DNAH2: variants seen among roughly 807,000 people sequenced by gnomAD.
The protein encoded by DNAH2 is dynein axonemal heavy chain 2, also known as axonemal beta dynein heavy chain 2.
A neutral mutation model predicts 523.5 loss-of-function variants in DNAH2; 323 were observed. That is an observed-to-expected ratio of 0.62 (90% CI 0.56 to 0.68). The LOEUF (loss-of-function observed/expected upper bound fraction) is 0.68. DNAH2 is among the 30% of genes least tolerant of loss of function. The probability of loss-of-function intolerance (pLI) is 0.00; values close to 1 mark genes in which losing one functional copy is unlikely to be tolerated. For missense variants in DNAH2, 4,907 were observed against 5,701.5 expected (o/e 0.86, Z 4.49); for synonymous variants, 2,093 against 2,177.4 (o/e 0.96, Z 1.08).
chr17:7,824,013 C>A, intron 75 of DNAH2, 31 bp downstream of exon 75: 1 of 1,603,716 alleles, frequency 6.2e-7, no homozygotes, highest in Non-Finnish European at 8.5e-7. Context: ...GTCCCCACGG[C>A]CCATGGGTCT....
intron 28 of DNAH2, among the ~76,000 whole-genome samples, chr17:7,772,443 G>T (rs1200172674): frequency 6.6e-6 from 1 of 152,164 alleles, no homozygotes; most frequent in East Asian, 1.9e-4. Context: ...AAAAAACAAT[G>T]ATCCCTTTGT....
Position 7,775,338 on chromosome 17 carries a change from T to C in DNAH2, c.4817T>C (p.Val1606Ala), listed in dbSNP as rs1211907308. The change falls in exon 30 of 86, where the codon GTG becomes GCG. Residue 1606 changes from valine (V) to alanine (A), a missense_variant. Val to Ala is a moderately conservative substitution (Grantham distance 64). This residue lies in a region of DNAH2 where 2,806 missense variants were observed against 3,190.8 expected (regional missense o/e 0.88). Coordinates refer to ENST00000572933, the MANE Select transcript of DNAH2 (RefSeq NM_020877.5). ...CACTCAGTATTTTTAGAAGGCCCTGTGGAGGTGAGTTGTGGTGAGGGTCTG... is the reference window on the plus strand; with the variant it reads ...CACTCAGTATTTTTAGAAGGCCCTGCGGAGGTGAGTTGTGGTGAGGGTCTG... ...FLHSVFLEGP[V>A]ESWLGDVEQT... The C allele has an allele frequency of 1.2e-6, 2 of 1,610,260 alleles. No individual in the cohort carries two copies. Among genetic ancestry groups the C allele is most frequent in the East Asian group, 4.5e-5 (2 of 44,854 alleles).
At chr17:7,746,363 T>C (rs976109899) in intron 12 of DNAH2, among the ~76,000 whole-genome samples, 1 of 152,346 alleles carries the variant, frequency 6.6e-6, no homozygotes, top group Non-Finnish European at 1.5e-5. Flanking sequence ...TAGACATATA[T>C]GTCTACTTAA....
intron 4 of DNAH2, among the ~76,000 whole-genome samples, chr17:7,730,576 C>G (rs2074954639): frequency 6.6e-6 from 1 of 152,198 alleles, no homozygotes; most frequent in Non-Finnish European, 1.5e-5. Flanking sequence ...TTAGGAATAT[C>G]CCCTATGCGG....
rs1567696157 is a variant in DNAH2 at position 7,786,551 on chromosome 17, C to T, written c.6349-19C>T. 3 of 1,609,482 alleles carry T rather than the reference C, an allele frequency of 1.9e-6. No homozygotes were observed. Among genetic ancestry groups the T allele is most frequent in the South Asian group, 2.2e-5 (2 of 90,938 alleles). ...TTTTGTCCATCAGCAGCTAAAACCCCTTCCGGTGTCATTTTCAGGAGTTCC... is the reference window on the plus strand; with the variant it reads ...TTTTGTCCATCAGCAGCTAAAACCCTTTCCGGTGTCATTTTCAGGAGTTCC... On this transcript the variant is annotated intron_variant, in intron 40 of 85. Coordinates refer to ENST00000572933, the MANE Select transcript of DNAH2 (RefSeq NM_020877.5). This position sits in a 1 kb window ranked among gnomAD's most constrained non-coding sequence, Gnocchi z 7.5.
rs1018507039 is a variant in DNAH2, at chr17:7,760,980, C to T, written c.2978+48C>T. The T allele has an allele frequency of 1.0e-5, 16 of 1,601,380 alleles. No individual in the cohort carries two copies. The highest frequency in any genetic ancestry group is 1.7e-5 in the Admixed American group (1 of 59,232). On this transcript the variant is annotated intron_variant, in intron 18 of 85. Coordinates refer to ENST00000572933, the MANE Select transcript of DNAH2 (RefSeq NM_020877.5). The surrounding 1 kb of genome is among the most constrained non-coding windows in gnomAD (Gnocchi z 4.0). Reference sequence around the variant, plus strand: ...AAGTCTGTCTGTAGGAGGCACAGCACTGCAGGAGGAGCCCAGGCCTAGAGT... The same window carrying T: ...AAGTCTGTCTGTAGGAGGCACAGCATTGCAGGAGGAGCCCAGGCCTAGAGT...
chr17:7,773,452 G>A (rs1222549682), intron 28 of DNAH2, among the ~76,000 whole-genome samples: 1 of 152,042 alleles, frequency 6.6e-6, no homozygotes, highest in African/African-American at 2.4e-5. Flanking sequence ...TCTTAGGTGG[G>A]TGTGTTATAC....
Position 7,786,402 on chromosome 17 carries a change from A to T in DNAH2, c.6348+60A>T. 1 of 1,569,198 alleles carries T rather than the reference A, an allele frequency of 6.4e-7. No homozygotes were observed. On this transcript the variant is annotated intron_variant, in intron 40 of 85. Transcript: ENST00000572933. This position sits in a 1 kb window ranked among gnomAD's most constrained non-coding sequence, Gnocchi z 7.5. Reference sequence around the variant, plus strand: ...GACTTGAGTAGTAAGAAGACAATGGAGGGTGGGGGCCAGGGAGGACCTTGC... The same window carrying T: ...GACTTGAGTAGTAAGAAGACAATGGTGGGTGGGGGCCAGGGAGGACCTTGC...
rs2074844731 is a variant in DNAH2, at chr17:7,727,234, T to A, written c.341T>A (p.Leu114His). The A allele has an allele frequency of 3.1e-6, 5 of 1,611,820 alleles. No homozygotes were observed. Among genetic ancestry groups the A allele is most frequent in the Non-Finnish European group, 4.2e-6 (5 of 1,179,114 alleles). ...HFAQDPTESI[L>H]TIFIDPCFGL... is the part of the protein sequence containing the mutation. ...GCCCAGGACCCTACAGAATCCATCCTCACCATCTTCATTGACCCTTGTTTT... is the reference window on the plus strand; with the variant it reads ...GCCCAGGACCCTACAGAATCCATCCACACCATCTTCATTGACCCTTGTTTT... The change falls in exon 4 of 86, where the codon CTC becomes CAC. Residue 114 changes from leucine to histidine, a missense_variant. Leu to His is a moderately conservative substitution (Grantham distance 99). Around this residue, in one of 3 missense-constraint regions of DNAH2, gnomAD observed 2,806 missense variants for 3,190.8 expected, o/e 0.88. Coordinates refer to ENST00000572933, the MANE Select transcript of DNAH2 (RefSeq NM_020877.5).
At chr17:7,730,978 C>T (rs1004834136) in intron 4 of DNAH2, among the ~76,000 whole-genome samples, 2 of 151,236 alleles carry the variant, frequency 1.3e-5, no homozygotes, top group African/African-American at 4.9e-5. Context: ...ATTAGCTGGG[C>T]GTGGCGGTGT....
In DNAH2 at chr17:7,807,974, G is replaced by A. The variant is rs1269685896; in HGVS notation, c.9729+388G>A. ...GTCGCTTCTGTGGACCAAGAACAAC[G>A]TGAGGGTGTCTGTGCATATGTTGTG... On this transcript the variant is annotated intron_variant, in intron 63 of 85. Coordinates refer to ENST00000572933, the MANE Select transcript of DNAH2 (RefSeq NM_020877.5). This position sits in a 1 kb window ranked among gnomAD's most constrained non-coding sequence, Gnocchi z 5.6. 2.6e-5 allele frequency among the ~76,000 whole-genome samples: 4 copies of A among 152,200 alleles called. No homozygotes were observed. Among genetic ancestry groups the A allele is most frequent in the Admixed American group, 1.3e-4 (2 of 15,282 alleles).
intron 15 of DNAH2, 85 bp downstream of exon 15, chr17:7,759,209 T>G (rs902900230): frequency 6.4e-7 from 1 of 1,559,542 alleles, no homozygotes; most frequent in South Asian, 1.2e-5. Flanking sequence ...TCCCCGACCC[T>G]TTTTTCTTTT....
chr17:7,760,956 A>G lies in DNAH2; in HGVS notation c.2978+24A>G. On this transcript the variant is annotated intron_variant, in intron 18 of 85. Transcript: ENST00000572933. This position sits in a 1 kb window ranked among gnomAD's most constrained non-coding sequence, Gnocchi z 4.0. ...CGGTGAGTGGTGAGGGTGGATTGAA[A>G]GTCTGTCTGTAGGAGGCACAGCACT... The G allele has an allele frequency of 6.2e-7, 1 of 1,602,844 alleles. No individual in the cohort carries two copies. The highest frequency in any genetic ancestry group is 8.5e-7 in the Non-Finnish European group (1 of 1,170,100).
chr17:7,765,533 C>T lies in DNAH2; in HGVS notation c.3479C>T (p.Ala1160Val). Residue 1160 changes from alanine (A) to valine (V), a missense_variant, in exon 21 of 86, where the codon GCA (alanine) becomes GTA (valine). Physicochemically the swap from Ala to Val is moderately conservative, Grantham distance 64. This residue lies in a region of DNAH2 where 2,806 missense variants were observed against 3,190.8 expected (regional missense o/e 0.88). Transcript: ENST00000572933. ...TCGGCAGATGACTTCAAGAAGAAAG[C>T]ACATACACTTCTGGAAGATTTCGAA... Reference protein sequence around the residue: ...IHSADDFKKKAHTLLEDFEFK... With the variant: ...IHSADDFKKKVHTLLEDFEFK... 6.2e-7 allele frequency: 1 copy of T among 1,614,014 alleles called. No homozygotes were observed.
intron 28 of DNAH2, among the ~76,000 whole-genome samples, chr17:7,772,695 T>TAACA (rs1334299348): frequency 6.6e-6 from 1 of 152,244 alleles, no homozygotes; most frequent in Non-Finnish European, 1.5e-5. Context: ...GGGAGGAAAC[T>TAACA]AACATTATTG....
At chr17:7,759,961 A>G (rs2075959210) in intron 17 of DNAH2, 23 bp downstream of exon 17, 2 of 1,614,048 alleles carry the variant, frequency 1.2e-6, no homozygotes, top group Non-Finnish European at 8.5e-7. Flanking sequence ...CGGGGAGGGC[A>G]CAAGGCACAG....
rs995816313 is a variant in DNAH2 at position 7,832,367 on chromosome 17, G to A, written c.12727-212G>A. Among the ~76,000 whole-genome samples the A allele has an allele frequency of 5.9e-5, 9 of 152,060 alleles. No homozygotes were observed. Among genetic ancestry groups the A allele is most frequent in the African/African-American group, 1.9e-4 (8 of 41,392 alleles). ...TACTAAAAAAATACAAAAATTAGCC[G>A]GGCGTGATGGTGGGCGCCTGTAATC... On this transcript the variant is annotated intron_variant, in intron 82 of 85. Coordinates refer to ENST00000572933, the MANE Select transcript of DNAH2 (RefSeq NM_020877.5). This position sits in a 1 kb window ranked among gnomAD's most constrained non-coding sequence, Gnocchi z 4.3.
chr17:7,827,865 G>A (rs988979740), intron 77 of DNAH2, among the ~76,000 whole-genome samples: 2 of 152,006 alleles, frequency 1.3e-5, no homozygotes, highest in Admixed American at 1.3e-4. Flanking sequence ...TATATGTATG[G>A]GTTTCAGGGT....
At position 7,832,508 on chromosome 17, in the gene DNAH2, T is replaced by G; in HGVS notation, c.12727-71T>G. On this transcript the variant is annotated intron_variant, in intron 82 of 85. Transcript: ENST00000572933. This position sits in a 1 kb window ranked among gnomAD's most constrained non-coding sequence, Gnocchi z 4.3. Reference sequence around the variant, plus strand: ...TGGGGGACAAGAGCAAAACTCTGTCTCTAAATAAATAAATAATACGGATTT... The same window carrying G: ...TGGGGGACAAGAGCAAAACTCTGTCGCTAAATAAATAAATAATACGGATTT... The G allele has an allele frequency of 6.4e-7, 1 of 1,553,884 alleles. No individual in the cohort carries two copies. The highest frequency in any genetic ancestry group is 8.7e-7 in the Non-Finnish European group (1 of 1,144,014).
Sources: allele counts gnomAD v4.1 joint callset (sites outside exome capture counted in the v4.1 genomes callset), GRCh38; gene constraint gnomAD v4.1.1; regional missense constraint gnomAD v4.1.1; non-coding constraint Gnocchi (gnomAD v3.1); transcripts MANE v1.5; gene names NCBI Gene and HGNC (gene_info 2026-07-23, HGNC 2026-07-21).